Variants in UNC80 observed in about 807,000 individuals in gnomAD.
The protein encoded by UNC80 is unc-80 subunit of NALCN channel complex, also known as protein unc-80 homolog.
In UNC80, 164 loss-of-function variants were observed where a neutral mutation model predicts 384.6. The observed-to-expected ratio is 0.43, with a 90% confidence interval of 0.38 to 0.49. The LOEUF is 0.49. UNC80 is among the 20% of genes least tolerant of loss of function. The pLI, the probability that UNC80 is intolerant of heterozygous loss-of-function variation, is 0.00. For synonymous variants in UNC80, 1,486 were observed against 1,527.8 expected, an observed-to-expected ratio of 0.97 and a Z score of 0.64; for missense variants, 3,330 against 4,143.0, an observed-to-expected ratio of 0.80 and a Z score of 5.39.
chr2:209,866,488 CCCCACACA>C (rs1307899267), intron 22 of UNC80, among the ~76,000 whole-genome samples: 2 of 106,742 alleles, frequency 1.9e-5, no homozygotes, highest in Admixed American at 1.0e-4. Context: ...CAAAATGCAC[CCCCACACA>C]CACACACACA....
intron 29 of UNC80, among the ~76,000 whole-genome samples, chr2:209,912,032 T>C (rs930433152): frequency 4.6e-5 from 7 of 152,210 alleles, no homozygotes; most frequent in Admixed American, 3.3e-4. Context: ...TCATGCTTCC[T>C]TGATGGGTCC....
At chr2:209,990,354 A>G (rs769644702) in intron 61 of UNC80, among the ~76,000 whole-genome samples, 1 of 152,148 alleles carries the variant, frequency 6.6e-6, no homozygotes, top group East Asian at 1.9e-4. Flanking sequence ...ACTCATTACA[A>G]CATCAAATGT....
chr2:209,817,963 G>C lies in UNC80; in HGVS notation c.1693+11G>C. ...ACACCGTCAAGGAAGGTGGGTAGGAGGTGGGGCCTACGGGCAGGAGTTCAG... is the reference window on the plus strand; with the variant it reads ...ACACCGTCAAGGAAGGTGGGTAGGACGTGGGGCCTACGGGCAGGAGTTCAG... On this transcript the variant is annotated intron_variant, in intron 11 of 64. Coordinates refer to ENST00000673920, the MANE Select transcript of UNC80 (RefSeq NM_001371986.1). 2 of 1,551,484 alleles carry C rather than the reference G, an allele frequency of 1.3e-6. No individual in the cohort carries two copies. Among genetic ancestry groups the C allele is most frequent in the Non-Finnish European group, 1.7e-6 (2 of 1,146,870 alleles).
chr2:209,783,793 A>G (rs1028790500), intron 4 of UNC80, among the ~76,000 whole-genome samples: 27 of 152,252 alleles, frequency 1.8e-4, no homozygotes, highest in East Asian at 1.2e-3. Context: ...AATCAATAAA[A>G]CCAGGTCAAT....
At position 209,994,270 on chromosome 2, in the gene UNC80, G is replaced by A. The variant is rs747473273; in HGVS notation, c.9708+6G>A. ...ACAGCGTGTCTCCCAAGCAGGTGAG[G>A]GCACTAGAGAAACAGGCAAGGCTTG... On this transcript the variant is annotated splice_donor_region_variant and intron_variant, in intron 64 of 64. Coordinates refer to ENST00000673920, the MANE Select transcript of UNC80 (RefSeq NM_001371986.1). 5 of 1,545,340 alleles carry A rather than the reference G, an allele frequency of 3.2e-6. No homozygotes were observed. In the African/African-American group the frequency reaches 6.9e-5, roughly 21 times the overall value.
Position 209,817,805 on chromosome 2 carries a change from A to T in UNC80, c.1553-7A>T. Reference sequence around the variant, plus strand: ...ACCCTCTTGTGGGGTGCTCTTATTCATCCCAGGGAAATTGACCCGGCGAGG... The same window carrying T: ...ACCCTCTTGTGGGGTGCTCTTATTCTTCCCAGGGAAATTGACCCGGCGAGG... On this transcript the variant is annotated splice_polypyrimidine_tract_variant and splice_region_variant and intron_variant, in intron 10 of 64. Transcript: ENST00000673920. 1 of 1,551,548 alleles carries T rather than the reference A, an allele frequency of 6.4e-7. No homozygotes were observed. The highest frequency in any genetic ancestry group is 8.7e-7 in the Non-Finnish European group (1 of 1,146,954).
chr2:209,972,504 C>T (rs966041827), intron 55 of UNC80, among the ~76,000 whole-genome samples, 180 bp downstream of exon 55: 3 of 152,140 alleles, frequency 2.0e-5, no homozygotes, highest in Admixed American at 2.0e-4. Context: ...TACCTGGGAC[C>T]AGAGTTTCTC....
intron 51 of UNC80, among the ~76,000 whole-genome samples, 164 bp from the exon 52 acceptor site, chr2:209,967,268 TTCTGA>T (rs1299087836): frequency 1.3e-5 from 2 of 152,154 alleles, no homozygotes. Flanking sequence ...GGTATCACTG[TTCTGA>T]TGTGTGGGAG....
chr2:209,880,581 C>T (rs912253657), intron 24 of UNC80, among the ~76,000 whole-genome samples: 6 of 152,258 alleles, frequency 3.9e-5, no homozygotes, highest in South Asian at 2.1e-4. Flanking sequence ...AGAAATCTTG[C>T]GAAATTACTT....
At chr2:209,988,675 A>G (rs566464652) in intron 61 of UNC80, among the ~76,000 whole-genome samples, 12 of 152,326 alleles carry the variant, frequency 7.9e-5, no homozygotes, top group African/African-American at 2.4e-4. Context: ...AGAAGAGGTC[A>G]TCTATGTCAG....
chr2:209,908,806 C>G (rs2088577260), intron 29 of UNC80, among the ~76,000 whole-genome samples: 1 of 152,144 alleles, frequency 6.6e-6, no homozygotes, highest in Admixed American at 6.5e-5. Context: ...TGACTGTCCA[C>G]TATAACTTAC....
rs774958486 is a variant in UNC80 at position 209,866,527 on chromosome 2, C to CACACACACAT, written c.3628-6224_3628-6223insCATACACACA. On this transcript the variant is annotated intron_variant, in intron 22 of 64. Coordinates refer to ENST00000673920, the MANE Select transcript of UNC80 (RefSeq NM_001371986.1). ...ACACACACACACACACACACACACA[C>CACACACACAT]ACACACAGAGAGAGAGAGAGAGAGA... 8.6e-3 allele frequency among the ~76,000 whole-genome samples: 782 copies of CACACACACAT among 90,814 alleles called. 9 individuals carry two copies. The highest frequency in any genetic ancestry group is 0.039 in the East Asian group (126 of 3,212). The allele number at this position is 90,814 out of a possible 152,430, so 59.6% of individuals were successfully genotyped here. A position where few individuals can be genotyped will look rare whatever the true frequency, so the allele number is the denominator to read the frequency against.
rs903813928 is a variant in UNC80 at position 209,878,950 on chromosome 2, A to C, written c.3976+861A>C. Among the ~76,000 whole-genome samples the C allele has an allele frequency of 5.3e-5, 8 of 152,324 alleles. 1 individual carries two copies. The Middle Eastern group carries it at 0.017, about 324-fold the overall frequency. On this transcript the variant is annotated intron_variant, in intron 24 of 64. Coordinates refer to ENST00000673920, the MANE Select transcript of UNC80 (RefSeq NM_001371986.1). Reference sequence around the variant, plus strand: ...GCATTGTTGCAGTCATGAAATGTAAAAGAATGGATGGGGCGTAACATTAGG... The same window carrying C: ...GCATTGTTGCAGTCATGAAATGTAACAGAATGGATGGGGCGTAACATTAGG...
intron 22 of UNC80, among the ~76,000 whole-genome samples, chr2:209,855,169 A>T (rs1171157619): frequency 6.6e-6 from 1 of 152,214 alleles, no homozygotes; most frequent in East Asian, 1.9e-4. Context: ...GCTGGAAGCC[A>T]TTATCCTCAG....
At chr2:209,857,299 G>A (rs2083006005) in intron 22 of UNC80, among the ~76,000 whole-genome samples, 1 of 152,138 alleles carries the variant, frequency 6.6e-6, no homozygotes, top group African/African-American at 2.4e-5. Flanking sequence ...GATCGAAATT[G>A]AAATCTGAAT....
intron 47 of UNC80, 91 bp downstream of exon 47, chr2:209,946,034 A>T: frequency 1.1e-6 from 1 of 945,502 alleles, no homozygotes; most frequent in South Asian, 1.5e-5. Context: ...GCTGATTAAT[A>T]TCAGACTAAC....
intron 47 of UNC80, among the ~76,000 whole-genome samples, chr2:209,950,278 TATTTA>T (rs1409414026): frequency 1.3e-5 from 2 of 152,312 alleles, no homozygotes; most frequent in East Asian, 3.9e-4. Flanking sequence ...GGAATTTTTC[TATTTA>T]ATTTAAGTAC....
chr2:209,862,065 G>C (rs1486170674), intron 22 of UNC80, among the ~76,000 whole-genome samples: 2 of 151,906 alleles, frequency 1.3e-5, no homozygotes, highest in Non-Finnish European at 2.9e-5. Context: ...CTTATTGCTT[G>C]TCTTCTGCTA....
chr2:209,867,764 C>T (rs1029406987), intron 22 of UNC80, among the ~76,000 whole-genome samples: 13 of 152,210 alleles, frequency 8.5e-5, no homozygotes, highest in Admixed American at 7.9e-4. Flanking sequence ...TTATCCCTAC[C>T]CCCACCCTCA....
Sources: allele counts gnomAD v4.1 joint callset (sites outside exome capture counted in the v4.1 genomes callset), GRCh38; gene constraint gnomAD v4.1.1; transcripts MANE v1.5; gene names NCBI Gene and HGNC (gene_info 2026-07-23, HGNC 2026-07-21).